AGBL4: variants seen among roughly 807,000 people sequenced by gnomAD.
The protein encoded by AGBL4 is AGBL carboxypeptidase 4, also known as cytosolic carboxypeptidase 6.
AGBL4 carries 58 observed loss-of-function variants against 66.4 expected under a neutral mutation model. The observed-to-expected ratio is 0.87, with a 90% CI of 0.71 to 1.09. The LOEUF is 1.09. Ranked by LOEUF, AGBL4 falls within the 50% of genes least tolerant of loss-of-function variation. The pLI, the probability that AGBL4 is intolerant of heterozygous loss-of-function variation, is 0.00. For missense variants in AGBL4, 579 were observed against 631.0 expected, an observed-to-expected ratio of 0.92 and a Z score of 0.88; for synonymous variants, 234 against 222.9, an observed-to-expected ratio of 1.05 and a Z score of -0.44.
At chr1:48,779,096 G>C (rs541855390) in intron 6 of AGBL4, among the ~76,000 whole-genome samples, 1 of 152,336 alleles carries the variant, frequency 6.6e-6, no homozygotes, top group East Asian at 1.9e-4. Context: ...TCAAGGGGAA[G>C]TAATGTGCAG....
At chr1:49,763,733 C>T (rs1207640983) in intron 2 of AGBL4, among the ~76,000 whole-genome samples, 2 of 152,188 alleles carry the variant, frequency 1.3e-5, no homozygotes, top group African/African-American at 4.8e-5. Flanking sequence ...CAGATGGACA[C>T]AGAGCTGCCT....
intron 3 of AGBL4, among the ~76,000 whole-genome samples, chr1:49,391,552 T>G (rs1358722233): frequency 8.6e-6 from 1 of 116,104 alleles, no homozygotes; most frequent in South Asian, 3.2e-4. Context: ...AACCATGAGT[T>G]TTTTTTTTTT....
At chr1:49,880,338 C>T (rs1211472445) in intron 1 of AGBL4, among the ~76,000 whole-genome samples, 10 of 151,988 alleles carry the variant, frequency 6.6e-5, no homozygotes, top group Admixed American at 2.6e-4. Flanking sequence ...GATGGGTTTT[C>T]AGTGTGGATG....
At chr1:48,969,500 C>G (rs1658734646) in intron 5 of AGBL4, among the ~76,000 whole-genome samples, 1 of 151,986 alleles carries the variant, frequency 6.6e-6, no homozygotes, top group Non-Finnish European at 1.5e-5. Flanking sequence ...TTCTATTTGT[C>G]CCACAGAGAT....
chr1:49,962,207 T>C (rs1657174184), intron 1 of AGBL4, among the ~76,000 whole-genome samples: 1 of 152,090 alleles, frequency 6.6e-6, no homozygotes, highest in South Asian at 2.1e-4. Flanking sequence ...TGCTGTGTAG[T>C]ATAGAGTGCA....
intron 11 of AGBL4, among the ~76,000 whole-genome samples, chr1:48,570,643 T>C (rs1453729013): frequency 6.6e-6 from 1 of 152,176 alleles, no homozygotes; most frequent in East Asian, 1.9e-4. Context: ...TGGCACATAG[T>C]AGGCAAACAG....
chr1:48,659,618 G>A (rs1303651678), intron 7 of AGBL4, among the ~76,000 whole-genome samples: 1 of 152,216 alleles, frequency 6.6e-6, no homozygotes, highest in African/African-American at 2.4e-5. Context: ...TTCAGGCCAA[G>A]CTCCTGGCTT....
chr1:49,892,852 T>C (rs1254129250), intron 1 of AGBL4, among the ~76,000 whole-genome samples: 1 of 152,178 alleles, frequency 6.6e-6, no homozygotes, highest in South Asian at 2.1e-4. Context: ...CTTTCTTCTT[T>C]ACCTCTTATT....
At chr1:49,054,886 TC>T (rs1384718279) in intron 4 of AGBL4, among the ~76,000 whole-genome samples, 2 of 151,960 alleles carry the variant, frequency 1.3e-5, no homozygotes, top group Non-Finnish European at 2.9e-5. Context: ...TGTCTTTTGT[TC>T]AAAATCAATT....
chr1:49,529,576 C>T lies in AGBL4; in HGVS notation c.282+167737G>A, dbSNP rs192293076. Among the ~76,000 whole-genome samples the T allele has an allele frequency of 1.5e-3, 234 of 152,070 alleles. 1 individual carries two copies. The highest frequency in any genetic ancestry group is 2.1e-3 in the African/African-American group (88 of 41,492). ...TGCCTGTAATCCCAGCTACTCAGGA[C>T]GCTGAGGTATGAGAATCACTTGAAC... On this transcript the variant is annotated intron_variant, in intron 3 of 13. Coordinates refer to ENST00000371839, the MANE Select transcript of AGBL4 (RefSeq NM_032785.4).
chr1:49,992,387 A>C (rs534642357), intron 1 of AGBL4, among the ~76,000 whole-genome samples: 11 of 151,958 alleles, frequency 7.2e-5, no homozygotes, highest in African/African-American at 2.7e-4. Flanking sequence ...AAAAAAAAAA[A>C]AATCCTTACT....
chr1:49,339,000 C>G (rs1261983671), intron 3 of AGBL4, among the ~76,000 whole-genome samples: 1 of 152,020 alleles, frequency 6.6e-6, no homozygotes, highest in Admixed American at 6.5e-5. Flanking sequence ...ACCATCAAAA[C>G]CCAGGTCCAG....
intron 3 of AGBL4, among the ~76,000 whole-genome samples, chr1:49,510,481 T>C (rs1649118347): frequency 6.6e-6 from 1 of 150,658 alleles, no homozygotes; most frequent in Non-Finnish European, 1.5e-5. Context: ...TTCTGGATAT[T>C]AGCCCTTTGT....
At chr1:49,467,521 T>C (rs1456897027) in intron 3 of AGBL4, among the ~76,000 whole-genome samples, 1 of 151,812 alleles carries the variant, frequency 6.6e-6, no homozygotes, top group African/African-American at 2.4e-5. Context: ...TATGTGCATC[T>C]ATACAACTGT....
chr1:49,500,140 T>G (rs1433356255), intron 3 of AGBL4, among the ~76,000 whole-genome samples: 2 of 152,142 alleles, frequency 1.3e-5, no homozygotes, highest in African/African-American at 4.8e-5. Context: ...TGGTGAGCAT[T>G]TTTTCATATG....
intron 3 of AGBL4, among the ~76,000 whole-genome samples, chr1:49,575,468 C>T (rs1043039608): frequency 3.3e-5 from 5 of 152,194 alleles, no homozygotes; most frequent in African/African-American, 1.2e-4. Context: ...AATAGTAAAT[C>T]AGAAACAATA....
chr1:49,046,686 G>A (rs1046159976), intron 4 of AGBL4, among the ~76,000 whole-genome samples: 2 of 152,110 alleles, frequency 1.3e-5, no homozygotes, highest in African/African-American at 4.8e-5. Context: ...TGCTAATCCT[G>A]CAAAACTCAT....
chr1:48,852,834 T>C (rs141519692), intron 6 of AGBL4, among the ~76,000 whole-genome samples: 6 of 152,312 alleles, frequency 3.9e-5, no homozygotes, highest in Middle Eastern at 3.4e-3. Context: ...AAGAAAATCC[T>C]TGGAGAAATG....
intron 8 of AGBL4, 84 bp downstream of exon 8, chr1:48,653,253 A>G (rs1312940559): frequency 8.9e-7 from 1 of 1,126,904 alleles, no homozygotes; most frequent in African/African-American, 1.6e-5. Context: ...ATTCTTCCTC[A>G]AAAAATATAT....
Sources: allele counts gnomAD v4.1 joint callset (sites outside exome capture counted in the v4.1 genomes callset), GRCh38; gene constraint gnomAD v4.1.1; transcripts MANE v1.5; gene names NCBI Gene and HGNC (gene_info 2026-07-23, HGNC 2026-07-21).